Variants in CATSPERE observed in about 807,000 individuals in gnomAD.
CATSPERE encodes cation channel sperm-associated auxiliary subunit epsilon.
A neutral mutation model predicts 114.1 loss-of-function variants in CATSPERE; 93 were observed. That is an observed-to-expected ratio of 0.81 (90% CI 0.69 to 0.97). The LOEUF (loss-of-function observed/expected upper bound fraction) is 0.97. CATSPERE is among the 50% of genes least tolerant of loss of function. The probability of loss-of-function intolerance (pLI) is 0.00; values close to 1 mark genes in which losing one functional copy is unlikely to be tolerated. For synonymous variants in CATSPERE, 341 were observed against 384.1 expected (o/e 0.89, Z 1.31); for missense variants, 1,058 against 1,131.6 (o/e 0.93, Z 0.93).
chr1:244,630,119 G>A (rs1462382956), intron 20 of CATSPERE, among the ~76,000 whole-genome samples: 3 of 152,176 alleles, frequency 2.0e-5, no homozygotes, highest in Non-Finnish European at 4.4e-5. Context: ...GTGGACTACG[G>A]TATTCCCCAG....
chr1:244,457,306 A>G (rs1666248187), upstream of CATSPERE, among the ~76,000 whole-genome samples: 1 of 152,232 alleles, frequency 6.6e-6, no homozygotes, highest in African/African-American at 2.4e-5. Flanking sequence ...AAAGGGTTCT[A>G]TAAAGTTTAT....
chr1:244,623,644 C>G (rs989848260), intron 20 of CATSPERE, among the ~76,000 whole-genome samples: 3 of 152,082 alleles, frequency 2.0e-5, no homozygotes. Context: ...CTACCAAATA[C>G]AGGCGCACCC....
chr1:244,632,380 T>G, intron 20 of CATSPERE, among the ~76,000 whole-genome samples: 1 of 104,788 alleles, frequency 9.5e-6, no homozygotes, highest in African/African-American at 4.0e-5. Context: ...GGCAATAGAG[T>G]GAGACTCCAA....
At chr1:244,543,651 T>TA (rs398069700) in intron 8 of CATSPERE, among the ~76,000 whole-genome samples, 5 of 146,946 alleles carry the variant, frequency 3.4e-5, no homozygotes, top group Admixed American at 6.8e-5. Context: ...TATATATATA[T>TA]TTATATATAT....
At position 244,617,534 on chromosome 1, in the gene CATSPERE, TA is replaced by T. The variant is rs1233436562; in HGVS notation, c.2499del (p.Lys833AsnfsTer14). ...TGTCTTTGTTTCTTGTTCAGAACTA[TA>T]AACACTGTTTTTCTTATGCTATTGG... is the stretch of plus-strand genomic sequence containing the variant. ...LEEVWGPENY[K>X]HCFSYAIGKP... On this transcript the variant is annotated frameshift_variant, in exon 20 of 22. Transcript: ENST00000366534. LOFTEE classifies it high-confidence loss of function. 1.3e-6 allele frequency: 2 copies of T among 1,514,402 alleles called. No individual in the cohort carries two copies. Among genetic ancestry groups the T allele is most frequent in the Non-Finnish European group, 1.8e-6 (2 of 1,136,644 alleles). The allele number at this position is 1,514,402 out of a possible 1,614,324, so 93.8% of individuals were successfully genotyped here.
At chr1:244,515,825 TATA>T (rs1425636256) in intron 7 of CATSPERE, among the ~76,000 whole-genome samples, 4 of 150,752 alleles carry the variant, frequency 2.7e-5, no homozygotes, top group Non-Finnish European at 5.9e-5. Flanking sequence ...ACAATACTAT[TATA>T]ATATTTTAAA....
intron 7 of CATSPERE, chr1:244,515,241 C>T (rs1676433489): frequency 1.4e-6 from 1 of 707,904 alleles, no homozygotes; most frequent in Non-Finnish European, 1.7e-6. Context: ...CCTCTCCCAC[C>T]TCAGGGACTT....
rs1039574920 is a variant in CATSPERE, at chr1:244,476,202, C to T, written c.115-1339C>T. 1.5e-4 allele frequency among the ~76,000 whole-genome samples: 23 copies of T among 151,974 alleles called. No homozygotes were observed. In the East Asian group the frequency reaches 2.7e-3, roughly 18 times the overall value. On this transcript the variant is annotated intron_variant, in intron 2 of 21. Coordinates refer to ENST00000366534, the MANE Select transcript of CATSPERE (RefSeq NM_001130957.2). ...TGCCTGTAATCCCAGCACTTTGGGA[C>T]GCTGAGGTAGGAGGACTGCTTGAGG...
At chr1:244,606,482 C>T (rs1182837141) in intron 18 of CATSPERE, among the ~76,000 whole-genome samples, 4 of 151,680 alleles carry the variant, frequency 2.6e-5, no homozygotes, top group African/African-American at 4.8e-5. Context: ...TGGCTCTTTC[C>T]GAAGTAATGT....
Position 244,575,474 on chromosome 1 carries a change from G to A in CATSPERE, c.1950+2702G>A, listed in dbSNP as rs938904795. Among the ~76,000 whole-genome samples, 2 of 152,180 alleles carry A rather than the reference G, an allele frequency of 1.3e-5. No individual in the cohort carries two copies. The highest frequency in any genetic ancestry group is 4.8e-5 in the African/African-American group (2 of 41,458). On this transcript the variant is annotated intron_variant, in intron 11 of 21. Coordinates refer to ENST00000366534, the MANE Select transcript of CATSPERE (RefSeq NM_001130957.2). This position sits in a 1 kb window ranked among gnomAD's most constrained non-coding sequence, Gnocchi z 4.5. The stretch of plus-strand genomic sequence containing the variant: ...AACTTGCAGGCGTCCATGGCCAGCT[G>A]TCCTCCGAGGGTGGCAGGACGTACC...
intron 5 of CATSPERE, among the ~76,000 whole-genome samples, chr1:244,487,160 G>C (rs905452697): frequency 6.6e-6 from 1 of 151,418 alleles, no homozygotes; most frequent in Non-Finnish European, 1.5e-5. Flanking sequence ...GCCACATACA[G>C]ACCCTCGTAG....
intron 4 of CATSPERE, among the ~76,000 whole-genome samples, chr1:244,478,458 G>A (rs1669717431): frequency 6.6e-6 from 1 of 152,114 alleles, no homozygotes; most frequent in South Asian, 2.1e-4. Flanking sequence ...TAATACACTG[G>A]CATTTTAGTA....
At chr1:244,490,696 G>T (rs781046701) in intron 6 of CATSPERE, among the ~76,000 whole-genome samples, 16 of 151,640 alleles carry the variant, frequency 1.1e-4, no homozygotes, top group Admixed American at 6.6e-5. Flanking sequence ...TACTTCTACC[G>T]AGATAATATT....
chr1:244,463,298 A>G (rs1459961140), intron 1 of CATSPERE, among the ~76,000 whole-genome samples: 4 of 152,168 alleles, frequency 2.6e-5, no homozygotes, highest in African/African-American at 7.2e-5. Flanking sequence ...TATATTGGAC[A>G]GTGCTCTGTT....
In CATSPERE at chr1:244,610,250, T is replaced by G; in HGVS notation, c.2414T>G (p.Leu805Ter). ...FNNTMAQSGCLHEAQTWKSMI... is the reference protein window; with the variant it reads ...FNNTMAQSGC ...GCCATCTTTTGACAGAGTGGTTGTT[T>G]ACATGAAGCACAGACATGGAAGTCA... The change falls in exon 19 of 22, where the codon TTA (leucine) becomes TGA (stop). Residue 805 changes from leucine (L) to a stop codon, truncating the protein, a stop_gained. Transcript: ENST00000366534. LOFTEE classifies it high-confidence loss of function. 6.2e-7 allele frequency: 1 copy of G among 1,606,276 alleles called. No individual in the cohort carries two copies. Among genetic ancestry groups the G allele is most frequent in the East Asian group, 2.2e-5 (1 of 44,760 alleles).
chr1:244,583,074 A>G (rs753400676), intron 12 of CATSPERE, among the ~76,000 whole-genome samples: 50 of 151,870 alleles, frequency 3.3e-4, no homozygotes, highest in Non-Finnish European at 6.8e-4. Context: ...CCTTTCACCC[A>G]CCAACTTATC....
intron 8 of CATSPERE, among the ~76,000 whole-genome samples, chr1:244,523,857 A>T (rs1226921505): frequency 4.1e-5 from 6 of 147,360 alleles, no homozygotes; most frequent in African/African-American, 1.6e-4. Context: ...GAAATGGAAG[A>T]ACATTCCATG....
chr1:244,595,986 A>C (rs1441030647), intron 17 of CATSPERE, among the ~76,000 whole-genome samples: 2 of 152,198 alleles, frequency 1.3e-5, no homozygotes, highest in Non-Finnish European at 2.9e-5. Context: ...AGAGGGGTAG[A>C]GGATGAATTT....
At chr1:244,571,369 A>G (rs556921574) in intron 10 of CATSPERE, among the ~76,000 whole-genome samples, 36 of 152,214 alleles carry the variant, frequency 2.4e-4, no homozygotes, top group Non-Finnish European at 4.9e-4. Context: ...TTGACAAAGT[A>G]TATTCCTAGA....
Sources: allele counts gnomAD v4.1 joint callset (sites outside exome capture counted in the v4.1 genomes callset), GRCh38; gene constraint gnomAD v4.1.1; non-coding constraint Gnocchi (gnomAD v3.1); transcripts MANE v1.5; gene names NCBI Gene and HGNC (gene_info 2026-07-23, HGNC 2026-07-21).